The following STOX1 variants were observed in gnomAD, a reference collection of about 807,000 sequenced individuals.
STOX1 encodes storkhead box 1, also known as storkhead-box protein 1.
In STOX1, 57 loss-of-function variants were observed where a neutral mutation model predicts 74.8. That is an observed-to-expected ratio of 0.76 (90% CI 0.62 to 0.95). The LOEUF (loss-of-function observed/expected upper bound fraction) is 0.95, where lower values mean the gene tolerates loss of function less well. STOX1 is among the 40% of genes least tolerant of loss of function. STOX1 has a pLI of 0.00. For missense variants in STOX1, 1,010 were observed against 1,117.0 expected, an observed-to-expected ratio of 0.90 and a Z score of 1.37; for synonymous variants, 375 against 401.3, an observed-to-expected ratio of 0.93 and a Z score of 0.78.
At chr10:68,829,721 C>T (rs10998449) in intron 1 of STOX1, among the ~76,000 whole-genome samples, 42,736 of 151,794 alleles carry the variant, frequency 0.28, 7,478 homozygotes, top group Middle Eastern at 0.41. Context: ...CTCCCCACCC[C>T]GCCCCCGTTT....
chr10:68,882,142 T>C (rs1840827579), intron 2 of STOX1, 32 bp downstream of exon 2: 2 of 1,597,588 alleles, frequency 1.3e-6, no homozygotes, highest in Non-Finnish European at 1.7e-6. Context: ...TATTTGTACT[T>C]CACTGTATGT....
chr10:68,890,045 T>A (rs934624787), intron 3 of STOX1, among the ~76,000 whole-genome samples: 16 of 151,760 alleles, frequency 1.1e-4, no homozygotes, highest in African/African-American at 3.9e-4. Flanking sequence ...CACCTTGGCC[T>A]CCCTGGTCTC....
intron 1 of STOX1, among the ~76,000 whole-genome samples, chr10:68,842,544 T>C (rs1457319480): frequency 5.7e-5 from 8 of 141,510 alleles, no homozygotes; most frequent in Non-Finnish European, 1.1e-4. Flanking sequence ...TTCTTTTTTT[T>C]TTTTTTTTTT....
intron 1 of STOX1, among the ~76,000 whole-genome samples, chr10:68,868,562 C>T (rs183996232): frequency 9.2e-5 from 14 of 152,240 alleles, no homozygotes; most frequent in South Asian, 2.1e-4. Context: ...TGTTTATGGC[C>T]AGTCTTGGGG....
intron 1 of STOX1, among the ~76,000 whole-genome samples, chr10:68,878,853 C>G (rs1276345468): frequency 6.6e-6 from 1 of 152,192 alleles, no homozygotes; most frequent in Non-Finnish European, 1.5e-5. Flanking sequence ...TTTCTTAATT[C>G]TTTAGCTTCC....
intron 1 of STOX1, among the ~76,000 whole-genome samples, chr10:68,846,100 C>A (rs183461856): frequency 2.0e-3 from 286 of 146,470 alleles, no homozygotes; most frequent in Non-Finnish European, 3.5e-3. Flanking sequence ...GTATGTGGTA[C>A]AAGTTATGGC....
At chr10:68,836,493 C>T (rs1029492501) in intron 1 of STOX1, among the ~76,000 whole-genome samples, 7 of 152,232 alleles carry the variant, frequency 4.6e-5, no homozygotes, top group African/African-American at 1.2e-4. Flanking sequence ...TCAAGACCTC[C>T]GTCTGTCCTT....
At position 68,861,283 on chromosome 10, in the gene STOX1, A is replaced by T. The variant is rs138771100; in HGVS notation, c.311-20675A>T. Among the ~76,000 whole-genome samples the T allele has an allele frequency of 3.9e-3, 601 of 152,240 alleles. 11 individuals carry two copies. The highest frequency in any genetic ancestry group is 0.014 in the African/African-American group (582 of 41,482). ...TAAACATCGTTTCTGCAGTTTATAG[A>T]TTAACTAAAAGTATTCTTCAGAAGA... On this transcript the variant is annotated intron_variant, in intron 1 of 3. Coordinates refer to ENST00000298596, the MANE Select transcript of STOX1 (RefSeq NM_152709.5).
intron 1 of STOX1, among the ~76,000 whole-genome samples, chr10:68,861,155 C>T (rs1470451962): frequency 2.0e-5 from 3 of 152,090 alleles, no homozygotes; most frequent in Admixed American, 6.5e-5. Context: ...AAGACACAGA[C>T]ACAGAAGTAG....
At chr10:68,874,682 A>C (rs1027740116) in intron 1 of STOX1, among the ~76,000 whole-genome samples, 1 of 99,478 alleles carries the variant, frequency 1.0e-5, no homozygotes, top group African/African-American at 4.1e-5. Context: ...AAAAAAAAAA[A>C]AAACCCTTGC....
rs183890051 is a variant in STOX1, at chr10:68,855,271, C to T, written c.311-26687C>T. Among the ~76,000 whole-genome samples the T allele has an allele frequency of 9.3e-3, 1,411 of 151,486 alleles. 31 individuals carry two copies. The highest frequency in any genetic ancestry group is 0.032 in the African/African-American group (1,327 of 41,234). ...GAGTAGCTGGGACTACAGGCATGCA[C>T]CACCACACCCAGCTAATTTTTGTAT... On this transcript the variant is annotated intron_variant, in intron 1 of 3. Coordinates refer to ENST00000298596, the MANE Select transcript of STOX1 (RefSeq NM_152709.5).
chr10:68,872,274 G>A (rs1840553242), intron 1 of STOX1, among the ~76,000 whole-genome samples: 1 of 151,394 alleles, frequency 6.6e-6, no homozygotes, highest in South Asian at 2.1e-4. Context: ...TGTTCTTATA[G>A]TAGAGAAAAA....
At position 68,884,826 on chromosome 10, in the gene STOX1, G is replaced by T. The variant is rs747720795; in HGVS notation, c.1030G>T (p.Val344Phe). 1.1e-5 allele frequency: 17 copies of T among 1,614,130 alleles called. No individual in the cohort carries two copies. The highest frequency in any genetic ancestry group is 5.0e-5 in the Admixed American group (3 of 60,012). ...SAQFPPEEWPVRDEDDLDNIP... is the reference protein window; with the variant it reads ...SAQFPPEEWPFRDEDDLDNIP... ...TCAGTTCCCACCTGAAGAATGGCCC[G>T]TCCGAGATGAAGATGACTTGGACAA... The change falls in exon 3 of 4, where the codon GTC (valine) becomes TTC (phenylalanine). Residue 344 changes from valine to phenylalanine, a missense_variant. Physicochemically the swap from Val to Phe is conservative, Grantham distance 50. Coordinates refer to ENST00000298596, the MANE Select transcript of STOX1 (RefSeq NM_152709.5).
chr10:68,837,772 C>T (rs1839590840), intron 1 of STOX1, among the ~76,000 whole-genome samples: 1 of 152,204 alleles, frequency 6.6e-6, no homozygotes, highest in Non-Finnish European at 1.5e-5. Context: ...TCATCCAGTC[C>T]TCTTGGGGCC....
At chr10:68,845,015 G>A (rs950499032) in intron 1 of STOX1, among the ~76,000 whole-genome samples, 2 of 152,074 alleles carry the variant, frequency 1.3e-5, no homozygotes, top group African/African-American at 2.4e-5. Context: ...CACCCTCCTC[G>A]GCCTCCCAGA....
chr10:68,872,117 C>CCG (rs1840550368), intron 1 of STOX1, among the ~76,000 whole-genome samples: 1 of 151,962 alleles, frequency 6.6e-6, no homozygotes, highest in Admixed American at 6.6e-5. Flanking sequence ...AATACAGGCG[C>CCG]CCAGAAAGAT....
At chr10:68,839,669 T>C (rs1839644808) in intron 1 of STOX1, among the ~76,000 whole-genome samples, 7 of 152,126 alleles carry the variant, frequency 4.6e-5, no homozygotes, top group Admixed American at 4.6e-4. Flanking sequence ...GCAGGTGGAT[T>C]ACCTGAGGTC....
At chr10:68,837,042 T>C (rs1839574550) in intron 1 of STOX1, among the ~76,000 whole-genome samples, 1 of 152,166 alleles carries the variant, frequency 6.6e-6, no homozygotes, top group South Asian at 2.1e-4. Flanking sequence ...AGGTATGCAT[T>C]GAGCATTTAC....
intron 1 of STOX1, among the ~76,000 whole-genome samples, chr10:68,859,466 C>T (rs946881836): frequency 3.9e-5 from 6 of 152,072 alleles, no homozygotes; most frequent in Non-Finnish European, 8.8e-5. Flanking sequence ...CCAAACTTGA[C>T]GTGATGCAGG....
Sources: allele counts gnomAD v4.1 joint callset (sites outside exome capture counted in the v4.1 genomes callset), GRCh38; gene constraint gnomAD v4.1.1; transcripts MANE v1.5; gene names NCBI Gene and HGNC (gene_info 2026-07-23, HGNC 2026-07-21).